The following FAN1 variants were observed in gnomAD, a reference collection of about 807,000 sequenced individuals.
FAN1 encodes FANCD2 and FANCI associated nuclease 1, also known as fanconi-associated nuclease 1.
A neutral mutation model predicts 104.9 loss-of-function variants in FAN1; 91 were observed. The ratio of observed to expected loss-of-function variants is 0.87; its 90% CI spans 0.73 to 1.03. The LOEUF is 1.03. Among genes scored for constraint, FAN1 ranks in the 50% least tolerant of loss-of-function variants. The pLI, the probability that FAN1 is intolerant of heterozygous loss-of-function variation, is 0.00. For missense variants in FAN1, 1,263 were observed against 1,239.9 expected (o/e 1.02, Z -0.28); for synonymous variants, 478 against 457.6 (o/e 1.04, Z -0.57).
intron 13 of FAN1, among the ~76,000 whole-genome samples, chr15:30,935,299 C>T (rs2062820925): frequency 6.6e-6 from 1 of 151,524 alleles, no homozygotes; most frequent in Admixed American, 6.6e-5. Flanking sequence ...CAGAGTGAGA[C>T]CTTGTCTCAA....
intron 14 of FAN1, chr15:30,940,785 ATTT>A: frequency 1.0e-6 from 1 of 986,886 alleles, no homozygotes; most frequent in Non-Finnish European, 1.2e-6. Context: ...GTGAAATTAT[ATTT>A]TCTTCTGTAA....
At chr15:30,919,077 G>A (rs1324175696) in intron 6 of FAN1, among the ~76,000 whole-genome samples, 1 of 152,166 alleles carries the variant, frequency 6.6e-6, no homozygotes, top group African/African-American at 2.4e-5. Context: ...AAAAGAATAT[G>A]TTATTAAGGA....
chr15:30,926,987 T>C (rs1352441043), intron 10 of FAN1: 5 of 985,306 alleles, frequency 5.1e-6, no homozygotes, highest in Non-Finnish European at 6.0e-6. Flanking sequence ...ATTTCACTTA[T>C]AACACAAATG....
rs780829453 is a variant in FAN1, at chr15:30,910,627, A to C, written c.1389A>C (p.Gln463His). ...TAACCATTTCAGAATCTGAGTTGCAAGAACTCTCTGAAGTGCTTGAACTCC... is the reference window on the plus strand; with the variant it reads ...TAACCATTTCAGAATCTGAGTTGCACGAACTCTCTGAAGTGCTTGAACTCC... The part of the protein sequence containing the change: ...AGFLQTESEL[Q>H]ELSEVLELLS... Residue 463 changes from glutamine (Q) to histidine (H), a missense_variant, in exon 4 of 15, where the codon CAA becomes CAC. By Grantham distance (24) the Gln-to-His change is conservative. Around this residue, in one of 2 missense-constraint regions of FAN1, gnomAD observed 682 missense variants for 571.1 expected, o/e 1.19. Coordinates refer to ENST00000362065, the MANE Select transcript of FAN1 (RefSeq NM_014967.5). 28 of 1,579,928 alleles carry C rather than the reference A, an allele frequency of 1.8e-5. No individual in the cohort carries two copies. The Admixed American group carries it at 2.7e-4, about 15-fold the overall frequency.
intron 5 of FAN1, among the ~76,000 whole-genome samples, chr15:30,915,344 G>A (rs910254936): frequency 2.0e-5 from 3 of 152,168 alleles, no homozygotes; most frequent in African/African-American, 7.2e-5. Context: ...ATACAAAAGT[G>A]CAGCTAGGTA....
intron 13 of FAN1, 72 bp downstream of exon 13, chr15:30,930,743 A>G: frequency 6.4e-7 from 1 of 1,556,002 alleles, no homozygotes; most frequent in Non-Finnish European, 8.8e-7. Flanking sequence ...ACAAGTAGGC[A>G]TTTCTTGAGT....
intron 14 of FAN1, chr15:30,940,027 T>C (rs878899663): frequency 1.7e-5 from 17 of 976,590 alleles, no homozygotes; most frequent in South Asian, 1.4e-4. Flanking sequence ...TCAGTACATA[T>C]AAAGGTAAAA....
intron 14 of FAN1, chr15:30,940,797 A>AAT: frequency 2.0e-6 from 2 of 986,048 alleles, no homozygotes; most frequent in Non-Finnish European, 2.4e-6. Flanking sequence ...TTTCTTCTGT[A>AAT]ATATTTGTAT....
At chr15:30,904,459 C>A in intron 1 of FAN1, 53 bp from the exon 2 acceptor site, 1 of 669,890 alleles carries the variant, frequency 1.5e-6, no homozygotes, top group South Asian at 1.7e-5. Flanking sequence ...TTCGCTTTTC[C>A]CCTTGCTGAA....
intron 3 of FAN1, among the ~76,000 whole-genome samples, chr15:30,909,353 G>A (rs2062048363): frequency 6.6e-6 from 1 of 152,162 alleles, no homozygotes; most frequent in African/African-American, 2.4e-5. Context: ...AGGCATAAAA[G>A]CTCAGTGAAG....
At chr15:30,915,888 C>G (rs1193006080) in intron 5 of FAN1, among the ~76,000 whole-genome samples, 1 of 152,124 alleles carries the variant, frequency 6.6e-6, no homozygotes, top group Non-Finnish European at 1.5e-5. Flanking sequence ...TAAAATGTCA[C>G]TTTTGATTCT....
chr15:30,929,971 AAATATAT>A lies in FAN1; in HGVS notation c.2788-562_2788-556del, dbSNP rs1204397930. Among the ~76,000 whole-genome samples, 157 of 126,516 alleles carry A rather than the reference AAATATAT, an allele frequency of 1.2e-3. 1 individual carries two copies. The highest frequency in any genetic ancestry group is 4.8e-3 in the African/African-American group (148 of 30,918). 83.0% of individuals were successfully genotyped at this position (126,516 alleles called of 152,430 possible). ...TATAATATATATCATATAATATATA[AAATATAT>A]AATATATAAGATATCATATATAATA... On this transcript the variant is annotated intron_variant, in intron 12 of 14. Coordinates refer to ENST00000362065, the MANE Select transcript of FAN1 (RefSeq NM_014967.5).
rs565908636 is a variant in FAN1, at chr15:30,941,935, C to T, written c.*373C>T. 1 of 1,614,020 alleles carries T rather than the reference C, an allele frequency of 6.2e-7. No individual in the cohort carries two copies. The highest frequency in any genetic ancestry group is 2.2e-5 in the East Asian group (1 of 44,884). On this transcript the variant is annotated 3_prime_UTR_variant, in exon 15 of 15. Transcript: ENST00000362065. Reference sequence around the variant, plus strand: ...TAAAATACTGCTCCGTATCACTGTTCTGGCTGTCGGTTTGCTGAGCTGGAT... The same window carrying T: ...TAAAATACTGCTCCGTATCACTGTTTTGGCTGTCGGTTTGCTGAGCTGGAT...
intron 13 of FAN1, among the ~76,000 whole-genome samples, chr15:30,931,710 T>C (rs61997077): frequency 6.6e-6 from 1 of 152,174 alleles, no homozygotes; most frequent in Non-Finnish European, 1.5e-5. Context: ...CTCTGTATCT[T>C]TGTCAAAAAT....
chr15:30,937,155 C>T lies in FAN1; in HGVS notation c.2953C>T (p.His985Tyr), dbSNP rs2062878255. 12 of 1,613,970 alleles carry T rather than the reference C, an allele frequency of 7.4e-6. No individual in the cohort carries two copies. Among genetic ancestry groups the T allele is most frequent in the Admixed American group, 1.7e-5 (1 of 59,984 alleles). ...EVKGPNDRLSHKQMIWLAELQ... is the reference protein window; with the variant it reads ...EVKGPNDRLSYKQMIWLAELQ... ...TAAAGGCCCCAATGATCGTCTTTCA[C>T]ATAAGCAGATGATCTGGCTGGCTGA... Residue 985 changes from histidine (H) to tyrosine (Y), a missense_variant, in exon 14 of 15, where the codon CAT becomes TAT. His to Tyr is a moderately conservative substitution (Grantham distance 83). Around this residue, in one of 2 missense-constraint regions of FAN1, gnomAD observed 581 missense variants for 668.8 expected, o/e 0.87. Coordinates refer to ENST00000362065, the MANE Select transcript of FAN1 (RefSeq NM_014967.5).
intron 10 of FAN1, chr15:30,927,605 C>A: frequency 1.0e-6 from 1 of 985,540 alleles, no homozygotes. Flanking sequence ...TGGGTTGGGG[C>A]CTGTAAATGT....
rs182232769 is a variant in FAN1, at chr15:30,929,651, A to T, written c.2787+254A>T. ...TATATTATACAATATACAATATATAATATAATATATGAAATATATAATATA... is the reference window on the plus strand; with the variant it reads ...TATATTATACAATATACAATATATATTATAATATATGAAATATATAATATA... On this transcript the variant is annotated intron_variant, in intron 12 of 14. Coordinates refer to ENST00000362065, the MANE Select transcript of FAN1 (RefSeq NM_014967.5). Among the ~76,000 whole-genome samples the T allele has an allele frequency of 3.6e-3, 256 of 70,660 alleles. 4 individuals carry two copies. The highest frequency in any genetic ancestry group is 0.014 in the African/African-American group (247 of 18,190). 46.4% of individuals were successfully genotyped at this position (70,660 alleles called of 152,430 possible). A position where few individuals can be genotyped will look rare whatever the true frequency, so the allele number is the denominator to read the frequency against.
chr15:30,905,152 C>A lies in FAN1; in HGVS notation c.489C>A (p.Tyr163Ter), dbSNP rs779771829. The change falls in exon 2 of 15, where the codon TAC (tyrosine) becomes TAA (stop). Residue 163 changes from tyrosine to a stop codon, truncating the protein, a stop_gained. Transcript: ENST00000362065. LOFTEE classifies it high-confidence loss of function. Reference protein sequence around the residue: ...GSLASKLSRKYVKAKKSIDKD... With the variant: ...GSLASKLSRK Reference sequence around the variant, plus strand: ...TAGCATCTAAATTGTCCAGAAAATACGTAAAGGCTAAAAAATCAATAGATA... The same window carrying A: ...TAGCATCTAAATTGTCCAGAAAATAAGTAAAGGCTAAAAAATCAATAGATA... The A allele has an allele frequency of 6.2e-7, 1 of 1,613,806 alleles. No individual in the cohort carries two copies. The highest frequency in any genetic ancestry group is 2.2e-5 in the East Asian group (1 of 44,888).
chr15:30,922,953 C>T (rs895849673), intron 8 of FAN1, among the ~76,000 whole-genome samples: 1 of 152,196 alleles, frequency 6.6e-6, no homozygotes, highest in Non-Finnish European at 1.5e-5. Context: ...CGGGTGAGGC[C>T]GCAGAGCCTG....
Sources: allele counts gnomAD v4.1 joint callset (sites outside exome capture counted in the v4.1 genomes callset), GRCh38; gene constraint gnomAD v4.1.1; regional missense constraint gnomAD v4.1.1; transcripts MANE v1.5; gene names NCBI Gene and HGNC (gene_info 2026-07-23, HGNC 2026-07-21).